SUGCT: variants seen among roughly 807,000 people sequenced by gnomAD.
The protein encoded by SUGCT is succinyl-CoA:glutarate CoA-transferase.
In SUGCT, 41 loss-of-function variants were observed where a neutral mutation model predicts 55.0. The observed-to-expected ratio is 0.74, with a 90% CI of 0.58 to 0.97. The LOEUF (loss-of-function observed/expected upper bound fraction) is 0.97, where lower values mean the gene tolerates loss of function less well. Among genes scored for constraint, SUGCT ranks in the 50% least tolerant of loss-of-function variants. SUGCT has a pLI of 0.00. For missense variants in SUGCT, 568 were observed against 547.8 expected (o/e 1.04, Z -0.37); for synonymous variants, 187 against 200.4 (o/e 0.93, Z 0.56).
At chr7:40,776,110 G>A (rs775191950) in intron 13 of SUGCT, among the ~76,000 whole-genome samples, 5 of 152,238 alleles carry the variant, frequency 3.3e-5, no homozygotes, top group Admixed American at 6.5e-5. Context: ...CCATCCTGCC[G>A]CTGTGAAAGT....
At chr7:40,790,847 C>T (rs1790274452) in intron 13 of SUGCT, among the ~76,000 whole-genome samples, 2 of 152,294 alleles carry the variant, frequency 1.3e-5, no homozygotes, top group Non-Finnish European at 1.5e-5. Context: ...TGTGCATTTT[C>T]ATCTGTAAGC....
chr7:40,272,613 C>A (rs1792149381), intron 7 of SUGCT, among the ~76,000 whole-genome samples: 1 of 151,236 alleles, frequency 6.6e-6, no homozygotes, highest in Non-Finnish European at 1.5e-5. Context: ...TGGATATCTA[C>A]CCAGCTGTGG....
chr7:40,616,363 T>G (rs1417967052), intron 12 of SUGCT, among the ~76,000 whole-genome samples: 1 of 151,814 alleles, frequency 6.6e-6, no homozygotes, highest in Non-Finnish European at 1.5e-5. Context: ...GCCCAACTAA[T>G]TTTTGTGTTT....
At chr7:40,513,326 T>A (rs369363468) in intron 12 of SUGCT, among the ~76,000 whole-genome samples, 1 of 152,174 alleles carries the variant, frequency 6.6e-6, no homozygotes, top group South Asian at 2.1e-4. Flanking sequence ...AGCTATACTG[T>A]GCTTCAGGTT....
At chr7:40,689,569 A>G (rs1182841549) in intron 12 of SUGCT, among the ~76,000 whole-genome samples, 1 of 152,144 alleles carries the variant, frequency 6.6e-6, no homozygotes, top group Non-Finnish European at 1.5e-5. Flanking sequence ...CCTGACTTGT[A>G]CTTCCTTCAC....
At position 40,221,598 on chromosome 7, in the gene SUGCT, C is replaced by G. The variant is rs369141191; in HGVS notation, c.485-16037C>G. Among the ~76,000 whole-genome samples, 113 of 147,528 alleles carry G rather than the reference C, an allele frequency of 7.7e-4. 2 individuals carry two copies. The South Asian group carries it at 0.024, about 31-fold the overall frequency. On this transcript the variant is annotated intron_variant, in intron 6 of 13. Coordinates refer to ENST00000335693, the MANE Select transcript of SUGCT (RefSeq NM_001193313.2). ...CTCCGCCTCCCGGGTTCAAGTGATACTTGTGCCTCAACCTCCCGAGTAGCT... is the reference window on the plus strand; with the variant it reads ...CTCCGCCTCCCGGGTTCAAGTGATAGTTGTGCCTCAACCTCCCGAGTAGCT...
At chr7:40,697,894 C>T (rs1056871240) in intron 12 of SUGCT, among the ~76,000 whole-genome samples, 10 of 152,202 alleles carry the variant, frequency 6.6e-5, no homozygotes, top group East Asian at 1.9e-4. Flanking sequence ...GTGCCAGCCA[C>T]GTGCAGGACC....
intron 11 of SUGCT, among the ~76,000 whole-genome samples, chr7:40,476,318 A>T (rs1790671271): frequency 6.6e-6 from 1 of 152,188 alleles, no homozygotes; most frequent in Admixed American, 6.5e-5. Flanking sequence ...TTCCTGCCCC[A>T]CAGTGCTTAC....
the SUGCT span, among the ~76,000 whole-genome samples, chr7:40,893,658 A>G: frequency 2.6e-5 from 4 of 152,092 alleles, no homozygotes; most frequent in Admixed American, 2.6e-4. Flanking sequence ...AGAATCAGTA[A>G]AAAAACCTGT....
the SUGCT span, among the ~76,000 whole-genome samples, chr7:40,959,346 T>G: frequency 2.6e-5 from 4 of 152,250 alleles, no homozygotes; most frequent in African/African-American, 7.2e-5. Context: ...CTGCTGCCTT[T>G]CTTTCAGAGA....
intron 12 of SUGCT, among the ~76,000 whole-genome samples, chr7:40,728,950 A>G (rs751131849): frequency 2.0e-5 from 3 of 152,224 alleles, no homozygotes; most frequent in Non-Finnish European, 2.9e-5. Flanking sequence ...AATCATCTCA[A>G]TATCCTTGAA....
chr7:40,837,894 G>A (rs762389044), intron 13 of SUGCT, among the ~76,000 whole-genome samples: 5 of 152,182 alleles, frequency 3.3e-5, no homozygotes, highest in African/African-American at 7.2e-5. Flanking sequence ...GATTACAAGC[G>A]TGAGCCACCA....
intron 10 of SUGCT, among the ~76,000 whole-genome samples, chr7:40,450,896 C>T (rs1373895868): frequency 6.6e-6 from 1 of 152,084 alleles, no homozygotes; most frequent in Non-Finnish European, 1.5e-5. Context: ...GAGCTAAAAA[C>T]CACAGCAAAG....
intron 13 of SUGCT, among the ~76,000 whole-genome samples, chr7:40,825,803 C>T (rs1210385443): frequency 6.6e-6 from 1 of 152,138 alleles, no homozygotes; most frequent in Admixed American, 6.5e-5. Context: ...CTTACATTCC[C>T]AGCTAGAACT....
At chr7:40,634,125 A>G (rs1368969667) in intron 12 of SUGCT, among the ~76,000 whole-genome samples, 1 of 152,196 alleles carries the variant, frequency 6.6e-6, no homozygotes, top group Non-Finnish European at 1.5e-5. Flanking sequence ...CTTGGAACAC[A>G]GAGAGTTGGA....
intron 13 of SUGCT, among the ~76,000 whole-genome samples, chr7:40,815,828 GA>G (rs1216251516): frequency 6.6e-6 from 1 of 152,188 alleles, no homozygotes; most frequent in African/African-American, 2.4e-5. Flanking sequence ...TGAATGCCTG[GA>G]TGTCTGCCTG....
At chr7:40,468,643 G>A (rs1337311892) in intron 11 of SUGCT, among the ~76,000 whole-genome samples, 29 of 151,946 alleles carry the variant, frequency 1.9e-4, no homozygotes, top group Admixed American at 1.9e-3. Flanking sequence ...AGGCATGGAA[G>A]GAAACTTTAT....
At chr7:40,559,871 A>G (rs1489945063) in intron 12 of SUGCT, among the ~76,000 whole-genome samples, 1 of 152,230 alleles carries the variant, frequency 6.6e-6, no homozygotes, top group Admixed American at 6.5e-5. Flanking sequence ...TTTCAAACAA[A>G]ACCACTTTAA....
chr7:40,899,607 C>T, the SUGCT span, among the ~76,000 whole-genome samples: 1 of 152,086 alleles, frequency 6.6e-6, no homozygotes, highest in African/African-American at 2.4e-5. Flanking sequence ...TAACTCCCGT[C>T]TCTTGAGCAT....
Sources: gnomAD v4.1 joint callset for allele counts (sites outside exome capture counted in the v4.1 genomes callset) on GRCh38, gnomAD v4.1.1 for gene constraint, MANE v1.5 for transcripts, NCBI Gene and HGNC (gene_info 2026-07-23, HGNC 2026-07-21) for gene names.